Variants in ADRA1D observed in about 807,000 individuals in gnomAD.
The protein encoded by ADRA1D is alpha-1D adrenergic receptor.
A neutral mutation model predicts 18.6 loss-of-function variants in ADRA1D; 22 were observed. The ratio of observed to expected loss-of-function variants is 1.19; its 90% confidence interval spans 0.85 to 1.69. The LOEUF (loss-of-function observed/expected upper bound fraction) is 1.69. Ranked by LOEUF, ADRA1D falls within the 40% of genes most tolerant of loss-of-function variation. ADRA1D has a pLI of 0.00. For synonymous variants in ADRA1D, 376 were observed against 388.2 expected (o/e 0.97, Z 0.37); for missense variants, 840 against 840.7 (o/e 1.00, Z 0.01).
At position 4,221,588 on chromosome 20, in the gene ADRA1D, C is replaced by T. The variant is rs759003942; in HGVS notation, c.1654G>A (p.Glu552Lys). 98 of 1,612,874 alleles carry T rather than the reference C, an allele frequency of 6.1e-5. No individual in the cohort carries two copies. The highest frequency in any genetic ancestry group is 8.2e-5 in the Non-Finnish European group (97 of 1,179,340). ...TCGTAGGCCTGGCAGGTGGCGCCCT[C>T]GGCCACCTCGTGTGGGACGCCTAGG... ...VSLGVPHEVA[E>K]GATCQAYELA... is the part of the protein sequence containing the mutation. Residue 552 changes from glutamate (E) to lysine (K), a missense_variant, in exon 2 of 2, where the codon GAG becomes AAG. Transcript: ENST00000379453.
At chr20:4,225,428 C>CTTTT (rs11474446) in intron 1 of ADRA1D, among the ~76,000 whole-genome samples, 18,656 of 119,338 alleles carry the variant, frequency 0.16, 2,145 homozygotes, top group Middle Eastern at 0.25. Flanking sequence ...TTTTTTCTTT[C>CTTTT]TTTTTTTTTT....
chr20:4,232,973 C>T (rs1381715884), intron 1 of ADRA1D, among the ~76,000 whole-genome samples: 1 of 152,152 alleles, frequency 6.6e-6, no homozygotes, highest in Admixed American at 6.5e-5. Context: ...TGGCTTCCCG[C>T]CCTCCCTCAC....
At position 4,221,968 on chromosome 20, in the gene ADRA1D, C is replaced by T. The variant is rs553436693; in HGVS notation, c.1274G>A (p.Arg425Gln). Residue 425 changes from arginine to glutamine, a missense_variant, in exon 2 of 2, where the codon CGG (arginine) becomes CAG (glutamine). Coordinates refer to ENST00000379453, the MANE Select transcript of ADRA1D (RefSeq NM_000678.4). ...GACACGCCAGAGAGGGCGGCGGCGC[C>T]GGCGACGACGGCACTGGCAGCGCAG... ...RLLRCQCRRR[R>Q]RRRPLWRVYG... The T allele has an allele frequency of 1.3e-6, 2 of 1,555,254 alleles. No individual in the cohort carries two copies. Among genetic ancestry groups the T allele is most frequent in the East Asian group, 2.4e-5 (1 of 40,990 alleles).
chr20:4,238,406 C>G (rs1240447770), intron 1 of ADRA1D, among the ~76,000 whole-genome samples: 1 of 151,966 alleles, frequency 6.6e-6, no homozygotes, highest in African/African-American at 2.4e-5. Context: ...ACAAAAGGGT[C>G]CATGGGATTG....
intron 1 of ADRA1D, among the ~76,000 whole-genome samples, chr20:4,243,976 C>A (rs1981277198): frequency 6.6e-6 from 1 of 152,212 alleles, no homozygotes; most frequent in African/African-American, 2.4e-5. Context: ...TGTCTCCCAG[C>A]CAGTGACTTG....
At chr20:4,236,364 A>T (rs1981092684) in intron 1 of ADRA1D, among the ~76,000 whole-genome samples, 1 of 152,216 alleles carries the variant, frequency 6.6e-6, no homozygotes, top group South Asian at 2.1e-4. Context: ...TTAGTTAATT[A>T]AGGTGGGAGA....
chr20:4,234,775 C>A (rs1052062759), intron 1 of ADRA1D, among the ~76,000 whole-genome samples: 3 of 152,204 alleles, frequency 2.0e-5, no homozygotes, highest in Non-Finnish European at 4.4e-5. Flanking sequence ...GAGCCAAGAC[C>A]TGAAGACCCT....
At chr20:4,231,038 T>TTCTTTTTCTTTCTTTC (rs71332805) in intron 1 of ADRA1D, among the ~76,000 whole-genome samples, 1 of 108,620 alleles carries the variant, frequency 9.2e-6, no homozygotes, top group Non-Finnish European at 1.8e-5. Flanking sequence ...CTTTCTTTCT[T>TTCTTTTTCTTTCTTTC]TTTCTTTCTT....
chr20:4,234,622 C>G (rs1981046632), intron 1 of ADRA1D, among the ~76,000 whole-genome samples: 1 of 152,144 alleles, frequency 6.6e-6, no homozygotes, highest in Non-Finnish European at 1.5e-5. Flanking sequence ...TCCTCTCCCC[C>G]AGTTTGCTCA....
rs558443225 is a variant in ADRA1D, at chr20:4,230,654, T to A, written c.1112-8524A>T. ...TCCTTTCCCTTCTGAAAACTGTCAG[T>A]GGCTTCCTGTGGCTCAGAGGAATCA... On this transcript the variant is annotated intron_variant, in intron 1 of 1. Coordinates refer to ENST00000379453, the MANE Select transcript of ADRA1D (RefSeq NM_000678.4). 2.6e-5 allele frequency among the ~76,000 whole-genome samples: 4 copies of A among 152,352 alleles called. No individual in the cohort carries two copies. The East Asian group carries it at 5.8e-4, about 22-fold the overall frequency.
chr20:4,231,343 C>G (rs1239007217), intron 1 of ADRA1D, among the ~76,000 whole-genome samples: 1 of 150,498 alleles, frequency 6.6e-6, no homozygotes, highest in Admixed American at 6.6e-5. Flanking sequence ...GGTCTTGAAC[C>G]CCTGGCCTCA....
chr20:4,227,955 C>T lies in ADRA1D; in HGVS notation c.1112-5825G>A, dbSNP rs1042660140. Among the ~76,000 whole-genome samples the T allele has an allele frequency of 2.6e-5, 4 of 152,100 alleles. No individual in the cohort carries two copies. In the East Asian group the frequency reaches 7.7e-4, roughly 29 times the overall value. ...CTTCCTGCTCCTGCCTTGTGCCCGCCCCCGGCTCCGAAGCTTGCTCTCTGT... is the reference window on the plus strand; with the variant it reads ...CTTCCTGCTCCTGCCTTGTGCCCGCTCCCGGCTCCGAAGCTTGCTCTCTGT... On this transcript the variant is annotated intron_variant, in intron 1 of 1. Coordinates refer to ENST00000379453, the MANE Select transcript of ADRA1D (RefSeq NM_000678.4).
chr20:4,233,544 T>C (rs1981019186), intron 1 of ADRA1D, among the ~76,000 whole-genome samples: 1 of 151,626 alleles, frequency 6.6e-6, no homozygotes, highest in East Asian at 1.9e-4. Flanking sequence ...CACCATGAGA[T>C]CTGTTAGAAA....
At chr20:4,226,482 T>C (rs1980803081) in intron 1 of ADRA1D, among the ~76,000 whole-genome samples, 1 of 152,132 alleles carries the variant, frequency 6.6e-6, no homozygotes, top group South Asian at 2.1e-4. Context: ...CTGTGGGCAA[T>C]GGGGGAGCTC....
chr20:4,248,844 C>T lies in ADRA1D; in HGVS notation c.114G>A (p.Ser38=). 9.9e-7 allele frequency: 1 copy of T among 1,006,360 alleles called. No individual in the cohort carries two copies. 62.3% of individuals were successfully genotyped at this position (1,006,360 alleles called of 1,614,324 possible). A position where few individuals can be genotyped will look rare whatever the true frequency, so the allele number is the denominator to read the frequency against. The change falls in exon 1 of 2, where the codon TCG becomes TCA. Residue 38 remains serine, a synonymous_variant. Transcript: ENST00000379453. The part of the protein sequence containing the change: ...GGGSAGGAAP[S]EGPAVGGVPG... The stretch of plus-strand genomic sequence containing the variant: ...GCACGCCGCCCACCGCCGGGCCCTC[C>T]GAGGGGGCCGCGCCGCCCGCGCTGC...
chr20:4,235,288 C>T (rs537045657), intron 1 of ADRA1D, among the ~76,000 whole-genome samples: 3 of 152,280 alleles, frequency 2.0e-5, no homozygotes, highest in South Asian at 2.1e-4. Context: ...CCTAGAGCAA[C>T]GGAGGCTGCC....
Position 4,221,735 on chromosome 20 carries a change from A to G in ADRA1D, c.1507T>C (p.Phe503Leu), listed in dbSNP as rs748426764. Residue 503 changes from phenylalanine (F) to leucine (L), a missense_variant, in exon 2 of 2, where the codon TTC (phenylalanine) becomes CTC (leucine). Phe to Leu is a conservative substitution (Grantham distance 22). Transcript: ENST00000379453. ...AFREWRLLGP[F>L]RRPTTQLRAK... ...CGCAGCTGGGTCGTGGGTCTCCGGA[A>G]CGGCCCCAGCAGCCTCCACTCGCGG... The G allele has an allele frequency of 2.5e-5, 40 of 1,604,908 alleles. No homozygotes were observed. Among genetic ancestry groups the G allele is most frequent in the Non-Finnish European group, 2.7e-5 (32 of 1,177,994 alleles).
intron 1 of ADRA1D, among the ~76,000 whole-genome samples, chr20:4,231,082 CT>C (rs368633189): frequency 0.04 from 3,855 of 95,306 alleles, 97 homozygotes; most frequent in East Asian, 0.2. Context: ...CTCTCTCTCT[CT>C]TTTCTTTTCT....
chr20:4,249,271 G>C lies in ADRA1D; in HGVS notation c.-314C>G, dbSNP rs1306998174. ...CCGGGGCCGGGCGGTGCAGGCAGCG[G>C]CCACTGCGGCGCTCCCAACTCGGCG... is the stretch of plus-strand genomic sequence containing the variant. On this transcript the variant is annotated 5_prime_UTR_variant, in exon 1 of 2. Coordinates refer to ENST00000379453, the MANE Select transcript of ADRA1D (RefSeq NM_000678.4). Among the ~76,000 whole-genome samples, 1 of 152,048 alleles carries C rather than the reference G, an allele frequency of 6.6e-6. No individual in the cohort carries two copies. The highest frequency in any genetic ancestry group is 2.4e-5 in the African/African-American group (1 of 41,420).
Sources: allele counts gnomAD v4.1 joint callset (sites outside exome capture counted in the v4.1 genomes callset), GRCh38; gene constraint gnomAD v4.1.1; transcripts MANE v1.5; gene names NCBI Gene and HGNC (gene_info 2026-07-23, HGNC 2026-07-21).